The following ANKS1B variants were observed in gnomAD, a reference collection of about 807,000 sequenced individuals.
ANKS1B encodes the protein ankyrin repeat and sterile alpha motif domain-containing protein 1B.
Under a neutral mutation model 148.3 loss-of-function variants are expected in ANKS1B, and 36 were observed. The ratio of observed to expected loss-of-function variants is 0.24; its 90% confidence interval spans 0.19 to 0.32. The LOEUF (loss-of-function observed/expected upper bound fraction) is 0.32. Ranked by LOEUF, ANKS1B falls within the 10% of genes least tolerant of loss-of-function variation. ANKS1B has a pLI of 1.00. For missense variants in ANKS1B, 1,157 were observed against 1,542.6 expected, an observed-to-expected ratio of 0.75 and a Z score of 4.19; for synonymous variants, 542 against 560.8, an observed-to-expected ratio of 0.97 and a Z score of 0.47.
intron 17 of ANKS1B, among the ~76,000 whole-genome samples, chr12:98,868,667 C>G (rs1430972622): frequency 6.6e-6 from 1 of 152,210 alleles, no homozygotes; most frequent in Non-Finnish European, 1.5e-5. Flanking sequence ...GTTGAAATCA[C>G]CAAAAGTCAA....
intron 1 of ANKS1B, among the ~76,000 whole-genome samples, chr12:99,840,510 T>C (rs2085550315): frequency 6.6e-6 from 1 of 152,064 alleles, no homozygotes; most frequent in Admixed American, 6.6e-5. Flanking sequence ...GTTAGGAAAT[T>C]ACTATAGTAA....
At chr12:98,747,283 GCAA>G (rs1185916615) in intron 26 of ANKS1B, among the ~76,000 whole-genome samples, 4 of 152,052 alleles carry the variant, frequency 2.6e-5, no homozygotes, top group Non-Finnish European at 5.9e-5. Context: ...TAAGTAACAG[GCAA>G]TAGAACTGAA....
At chr12:99,168,229 A>T (rs1413792460) in intron 14 of ANKS1B, among the ~76,000 whole-genome samples, 5 of 152,218 alleles carry the variant, frequency 3.3e-5, no homozygotes, top group Non-Finnish European at 5.9e-5. Context: ...CTACTTTAAA[A>T]AGTTAAGCTG....
intron 17 of ANKS1B, among the ~76,000 whole-genome samples, chr12:98,951,303 T>C (rs2099853747): frequency 6.6e-6 from 1 of 152,222 alleles, no homozygotes; most frequent in South Asian, 2.1e-4. Context: ...GGATCACTTC[T>C]ATGTTTCTAT....
At chr12:98,962,929 C>T (rs554389017) in intron 17 of ANKS1B, among the ~76,000 whole-genome samples, 2 of 152,038 alleles carry the variant, frequency 1.3e-5, no homozygotes, top group African/African-American at 4.8e-5. Flanking sequence ...CCAAAACCTA[C>T]GGGATACAGC....
chr12:99,030,708 C>T (rs1020974153), intron 17 of ANKS1B, among the ~76,000 whole-genome samples: 8 of 152,228 alleles, frequency 5.3e-5, no homozygotes, highest in East Asian at 1.9e-4. Context: ...AATTAGAATG[C>T]GAACTCTTCA....
chr12:99,177,352 T>A (rs1276199488), intron 14 of ANKS1B, among the ~76,000 whole-genome samples: 2 of 152,184 alleles, frequency 1.3e-5, no homozygotes, highest in Non-Finnish European at 2.9e-5. Context: ...TAAACTTTTT[T>A]TTATGAGAAT....
chr12:98,875,989 AC>A (rs2099688404), intron 17 of ANKS1B, among the ~76,000 whole-genome samples: 1 of 152,156 alleles, frequency 6.6e-6, no homozygotes, highest in Non-Finnish European at 1.5e-5. Context: ...TTTAGATCAG[AC>A]CCTGCAGGAA....
intron 1 of ANKS1B, among the ~76,000 whole-genome samples, chr12:99,944,191 G>C (rs2094995139): frequency 6.6e-6 from 1 of 152,174 alleles, no homozygotes; most frequent in South Asian, 2.1e-4. Context: ...AGAATTAAGT[G>C]AGAGGGGCCT....
At position 99,436,911 on chromosome 12, in the gene ANKS1B, T is replaced by A. The variant is rs138950134; in HGVS notation, c.1575+6762A>T. ...TTTACCTCTACAGCCTCTTTGCTTC[T>A]TTTTGCTATGGTCCCTCCTTAGCTG... is the stretch of plus-strand genomic sequence containing the variant. On this transcript the variant is annotated intron_variant, in intron 11 of 26. Coordinates refer to ENST00000683438, the MANE Select transcript of ANKS1B (RefSeq NM_001352186.2). 2.3e-3 allele frequency among the ~76,000 whole-genome samples: 356 copies of A among 152,102 alleles called. 5 individuals are homozygous for A. The highest frequency in any genetic ancestry group is 7.0e-3 in the African/African-American group (291 of 41,516).
chr12:99,780,114 C>T lies in ANKS1B; in HGVS notation c.746-142G>A, dbSNP rs182595417. 6.4e-6 allele frequency: 4 copies of T among 624,588 alleles called. No individual in the cohort carries two copies. In the East Asian group the frequency reaches 1.2e-4, roughly 18 times the overall value. 38.7% of individuals were successfully genotyped at this position (624,588 alleles called of 1,614,324 possible). A position where few individuals can be genotyped will look rare whatever the true frequency, so the allele number is the denominator to read the frequency against. On this transcript the variant is annotated intron_variant, in intron 5 of 26. Transcript: ENST00000683438. ...TTTAAAAAATTAAGTTCTACACACACACATACACACACACATGCGCACACA... is the reference window on the plus strand; with the variant it reads ...TTTAAAAAATTAAGTTCTACACACATACATACACACACACATGCGCACACA...
intron 17 of ANKS1B, among the ~76,000 whole-genome samples, chr12:99,008,220 T>C (rs2099937290): frequency 6.6e-6 from 1 of 152,192 alleles, no homozygotes; most frequent in Non-Finnish European, 1.5e-5. Context: ...CCTATTATAA[T>C]GATAAACTTT....
intron 1 of ANKS1B, among the ~76,000 whole-genome samples, chr12:99,897,258 A>G (rs558493529): frequency 6.6e-6 from 1 of 151,402 alleles, no homozygotes; most frequent in African/African-American, 2.4e-5. Context: ...AACACTACAA[A>G]TACAAACTTA....
intron 1 of ANKS1B, among the ~76,000 whole-genome samples, chr12:99,847,829 T>A (rs1397624113): frequency 6.6e-6 from 1 of 152,106 alleles, no homozygotes; most frequent in Non-Finnish European, 1.5e-5. Flanking sequence ...GCCCCTACAG[T>A]TGCTGCATGA....
At chr12:99,731,234 T>C (rs1311120662) in intron 8 of ANKS1B, among the ~76,000 whole-genome samples, 1 of 152,214 alleles carries the variant, frequency 6.6e-6, no homozygotes, top group Non-Finnish European at 1.5e-5. Context: ...TTCTCCTGCC[T>C]CAGCCTTCCA....
intron 17 of ANKS1B, among the ~76,000 whole-genome samples, chr12:99,052,337 C>T (rs1250892383): frequency 3.9e-5 from 6 of 152,182 alleles, no homozygotes; most frequent in Admixed American, 6.5e-5. Flanking sequence ...AGATTAGACA[C>T]TAGCTTCAGA....
intron 5 of ANKS1B, among the ~76,000 whole-genome samples, chr12:99,781,544 C>T (rs1241614675): frequency 6.6e-6 from 1 of 152,158 alleles, no homozygotes; most frequent in African/African-American, 2.4e-5. Flanking sequence ...GTTTCTGTAG[C>T]CTACTAACAA....
intron 11 of ANKS1B, among the ~76,000 whole-genome samples, chr12:99,401,601 C>T (rs544265616): frequency 6.8e-6 from 1 of 146,804 alleles, no homozygotes; most frequent in African/African-American, 2.6e-5. Flanking sequence ...AATATTAATT[C>T]ATTCTACAAA....
At chr12:99,937,651 C>G (rs2094813180) in intron 1 of ANKS1B, among the ~76,000 whole-genome samples, 1 of 152,134 alleles carries the variant, frequency 6.6e-6, no homozygotes, top group Non-Finnish European at 1.5e-5. Flanking sequence ...AAACAGCTAT[C>G]ATATTGCTAC....
Sources: allele counts gnomAD v4.1 joint callset (sites outside exome capture counted in the v4.1 genomes callset), GRCh38; gene constraint gnomAD v4.1.1; transcripts MANE v1.5; gene names NCBI Gene and HGNC (gene_info 2026-07-23, HGNC 2026-07-21).